The following CDKAL1 variants were observed in gnomAD, a reference collection of about 807,000 sequenced individuals.
The protein encoded by CDKAL1 is threonylcarbamoyladenosine tRNA methylthiotransferase.
Under a neutral mutation model 68.2 loss-of-function variants are expected in CDKAL1, and 32 were observed. The ratio of observed to expected loss-of-function variants is 0.47; its 90% confidence interval spans 0.35 to 0.63. The LOEUF (loss-of-function observed/expected upper bound fraction) is 0.63, where lower values mean the gene tolerates loss of function less well. CDKAL1 is among the 30% of genes least tolerant of loss of function. The probability of loss-of-function intolerance (pLI) is 0.00; values close to 1 mark genes in which losing one functional copy is unlikely to be tolerated. For synonymous variants in CDKAL1, 234 were observed against 244.3 expected (o/e 0.96, Z 0.39); for missense variants, 606 against 696.7 (o/e 0.87, Z 1.47).
At chr6:21,173,203 T>C (rs1000178467) in intron 13 of CDKAL1, among the ~76,000 whole-genome samples, 1 of 152,022 alleles carries the variant, frequency 6.6e-6, no homozygotes, top group African/African-American at 2.4e-5. Context: ...TTTTATATTT[T>C]ATATTTTTGT....
chr6:21,224,438 C>T (rs1779653660), intron 15 of CDKAL1, among the ~76,000 whole-genome samples: 1 of 152,110 alleles, frequency 6.6e-6, no homozygotes, highest in Admixed American at 6.5e-5. Context: ...TGCCTGAACC[C>T]AGGAGGTGGA....
intron 9 of CDKAL1, among the ~76,000 whole-genome samples, chr6:20,868,754 G>T (rs1251857131): frequency 6.6e-6 from 1 of 152,178 alleles, no homozygotes; most frequent in African/African-American, 2.4e-5. Context: ...CCTGCAGAGT[G>T]ACAAATAATT....
intron 6 of CDKAL1, among the ~76,000 whole-genome samples, chr6:20,744,210 T>C (rs1773572936): frequency 1.3e-5 from 2 of 152,206 alleles, no homozygotes; most frequent in Admixed American, 1.3e-4. Context: ...ATGTTTCTGT[T>C]TTTCTTTTAG....
intron 8 of CDKAL1, among the ~76,000 whole-genome samples, chr6:20,788,935 C>T (rs1466415584): frequency 6.6e-6 from 1 of 152,192 alleles, no homozygotes; most frequent in Admixed American, 6.5e-5. Context: ...GTCTTTCTCA[C>T]AGTATTCACT....
intron 15 of CDKAL1, among the ~76,000 whole-genome samples, chr6:21,220,736 T>C (rs1779511773): frequency 6.6e-6 from 1 of 152,236 alleles, no homozygotes; most frequent in African/African-American, 2.4e-5. Flanking sequence ...AGCCCACAGC[T>C]GGAGTGTCGA....
chr6:20,653,380 G>C (rs1189262459), intron 5 of CDKAL1, among the ~76,000 whole-genome samples: 1 of 152,186 alleles, frequency 6.6e-6, no homozygotes, highest in Non-Finnish European at 1.5e-5. Context: ...GTCAGCACTT[G>C]ATATGGCCAG....
intron 9 of CDKAL1, among the ~76,000 whole-genome samples, chr6:20,873,653 A>G (rs1373858563): frequency 6.6e-6 from 1 of 152,198 alleles, no homozygotes; most frequent in Non-Finnish European, 1.5e-5. Flanking sequence ...AGGGGCCATT[A>G]GAGATACTTG....
At chr6:20,586,978 G>GTTTTTTTTTTTT (rs750210435) in intron 4 of CDKAL1, among the ~76,000 whole-genome samples, 2 of 44,450 alleles carry the variant, frequency 4.5e-5, no homozygotes, top group African/African-American at 1.9e-4. Context: ...TCCTCCAGGT[G>GTTTTTTTTTTTT]TTTTTTTTTT....
rs777506511 is a variant in CDKAL1, at chr6:21,176,682, G to GTTTTTTTTTT, written c.1300-21335_1300-21326dup. Among the ~76,000 whole-genome samples the GTTTTTTTTTT allele has an allele frequency of 6.7e-5, 8 of 119,868 alleles. 2 individuals carry two copies. Among genetic ancestry groups the GTTTTTTTTTT allele is most frequent in the African/African-American group, 2.3e-4 (7 of 30,200 alleles). 78.6% of individuals were successfully genotyped at this position (119,868 alleles called of 152,430 possible). On this transcript the variant is annotated intron_variant, in intron 13 of 15. Transcript: ENST00000274695. Reference sequence around the variant, plus strand: ...GAATGTCTTCATGGGCTGGATGTTGGTTTTTTTTTTTTTGTTTTTTTTTTT... The same window carrying GTTTTTTTTTT: ...GAATGTCTTCATGGGCTGGATGTTGGTTTTTTTTTTTTTTTTTTTTTTTGTTTTTTTTTTT...
At chr6:21,014,285 A>T (rs1418387353) in intron 11 of CDKAL1, among the ~76,000 whole-genome samples, 1 of 152,094 alleles carries the variant, frequency 6.6e-6, no homozygotes, top group African/African-American at 2.4e-5. Flanking sequence ...GGCCACTGAA[A>T]ATCTCCACCA....
At chr6:20,879,965 AC>A (rs1311052925) in intron 9 of CDKAL1, among the ~76,000 whole-genome samples, 1 of 152,170 alleles carries the variant, frequency 6.6e-6, no homozygotes, top group Non-Finnish European at 1.5e-5. Flanking sequence ...CTGTGAGAAG[AC>A]TGTGTTTTAT....
At chr6:21,162,107 G>A (rs1582330568) in intron 13 of CDKAL1, among the ~76,000 whole-genome samples, 1 of 152,186 alleles carries the variant, frequency 6.6e-6, no homozygotes, top group African/African-American at 2.4e-5. Context: ...TGTCCTGGTA[G>A]AGAGGGAAGA....
intron 8 of CDKAL1, among the ~76,000 whole-genome samples, chr6:20,827,597 G>C (rs9348447): frequency 1.1e-4 from 17 of 151,988 alleles, no homozygotes; most frequent in Non-Finnish European, 2.2e-4. Flanking sequence ...ACAAAGTGAT[G>C]TTTTAGACAT....
At chr6:20,558,806 G>A (rs541918309) in intron 4 of CDKAL1, 3 of 343,920 alleles carry the variant, frequency 8.7e-6, no homozygotes, top group East Asian at 1.5e-4. Context: ...AAGAAAAGTC[G>A]ACATAAGAGA....
At chr6:21,136,153 C>T (rs1775583102) in intron 13 of CDKAL1, among the ~76,000 whole-genome samples, 1 of 152,166 alleles carries the variant, frequency 6.6e-6, no homozygotes, top group African/African-American at 2.4e-5. Flanking sequence ...TTTGTGTTTA[C>T]TTAGACTTCA....
intron 4 of CDKAL1, among the ~76,000 whole-genome samples, chr6:20,594,051 T>C (rs1201977075): frequency 1.3e-5 from 2 of 152,222 alleles, no homozygotes; most frequent in Admixed American, 6.5e-5. Context: ...CTGTTTGTTA[T>C]GATTTCTGTT....
chr6:20,955,385 C>G (rs753924075), intron 9 of CDKAL1, 34 bp from the exon 10 acceptor site: 4 of 1,608,624 alleles, frequency 2.5e-6, no homozygotes, highest in Non-Finnish European at 3.4e-6. Flanking sequence ...ACAGCTCTGC[C>G]ACAGATTTGT....
rs541586135 is a variant in CDKAL1, at chr6:20,732,794, G to A, written c.372-6725G>A. 4.0e-5 allele frequency among the ~76,000 whole-genome samples: 6 copies of A among 151,844 alleles called. No homozygotes were observed. The South Asian group carries it at 1.3e-3, about 32-fold the overall frequency. ...ACTTTTCTCCATCGTTTACTTTTCC[G>A]CCCTTCATTTTTCCCATGTAGTTTC... On this transcript the variant is annotated intron_variant, in intron 5 of 15. Coordinates refer to ENST00000274695, the MANE Select transcript of CDKAL1 (RefSeq NM_017774.3).
intron 15 of CDKAL1, among the ~76,000 whole-genome samples, chr6:21,222,299 C>T (rs1421487644): frequency 6.6e-6 from 1 of 152,098 alleles, no homozygotes; most frequent in Non-Finnish European, 1.5e-5. Flanking sequence ...GGAAAAATGT[C>T]GCATGAATAA....
Sources: allele counts gnomAD v4.1 joint callset (sites outside exome capture counted in the v4.1 genomes callset), GRCh38; gene constraint gnomAD v4.1.1; transcripts MANE v1.5; gene names NCBI Gene and HGNC (gene_info 2026-07-23, HGNC 2026-07-21).